ZCCHC17: variants seen among roughly 807,000 people sequenced by gnomAD.
The protein encoded by ZCCHC17 is zinc finger CCHC-type containing 17, also known as zinc finger CCHC domain-containing protein 17.
ZCCHC17 carries 18 observed loss-of-function variants against 30.6 expected under a neutral mutation model. The ratio of observed to expected loss-of-function variants is 0.59; its 90% CI spans 0.41 to 0.87. The LOEUF (loss-of-function observed/expected upper bound fraction) is 0.87. Among genes scored for constraint, ZCCHC17 ranks in the 40% least tolerant of loss-of-function variants. The probability of loss-of-function intolerance (pLI) is 0.00; values close to 1 mark genes in which losing one functional copy is unlikely to be tolerated. For missense variants in ZCCHC17, 263 were observed against 284.2 expected, an observed-to-expected ratio of 0.93 and a Z score of 0.54; for synonymous variants, 88 against 92.4, an observed-to-expected ratio of 0.95 and a Z score of 0.27.
At chr1:31,341,520 G>A (rs1231926140) in intron 5 of ZCCHC17, among the ~76,000 whole-genome samples, 15 of 152,142 alleles carry the variant, frequency 9.9e-5, no homozygotes. Flanking sequence ...CCTGGTTTTG[G>A]GCTGTCTCTG....
intron 3 of ZCCHC17, among the ~76,000 whole-genome samples, chr1:31,330,332 A>C (rs182408175): frequency 7.6e-4 from 116 of 152,234 alleles, no homozygotes; most frequent in African/African-American, 2.7e-3. Flanking sequence ...ACCAGCAGAC[A>C]CTCAGATGGG....
chr1:31,338,778 A>G (rs1372671918), intron 4 of ZCCHC17, among the ~76,000 whole-genome samples, 179 bp from the exon 5 acceptor site: 1 of 152,180 alleles, frequency 6.6e-6, no homozygotes, highest in East Asian at 1.9e-4. Flanking sequence ...CTGTTTCCTA[A>G]AATTCTTCTG....
chr1:31,347,402 C>T (rs1639314961), intron 6 of ZCCHC17, among the ~76,000 whole-genome samples: 1 of 152,108 alleles, frequency 6.6e-6, no homozygotes, highest in East Asian at 1.9e-4. Flanking sequence ...GATTTTTCTA[C>T]AATAACTGGT....
intron 7 of ZCCHC17, among the ~76,000 whole-genome samples, chr1:31,359,386 T>C (rs1453339522): frequency 6.6e-6 from 1 of 151,938 alleles, no homozygotes; most frequent in Non-Finnish European, 1.5e-5. Flanking sequence ...CTGGGTGTGG[T>C]GGCATGCGCC....
At chr1:31,334,270 T>C (rs1638710759) in intron 3 of ZCCHC17, among the ~76,000 whole-genome samples, 1 of 150,676 alleles carries the variant, frequency 6.6e-6, no homozygotes, top group Non-Finnish European at 1.5e-5. Context: ...GGCAGGTATT[T>C]TGAGTTTCAG....
intron 5 of ZCCHC17, 90 bp downstream of exon 5, chr1:31,339,138 A>G (rs1569868614): frequency 2.3e-5 from 20 of 858,698 alleles, no homozygotes; most frequent in South Asian, 3.3e-5. Context: ...TAACTCTACC[A>G]TTTATGGACT....
intron 1 of ZCCHC17, among the ~76,000 whole-genome samples, chr1:31,307,579 GTTT>G (rs754266433): frequency 7.4e-6 from 1 of 135,378 alleles, no homozygotes. Flanking sequence ...GATTTTTGTT[GTTT>G]TTTTTTTTTT....
Position 31,334,325 on chromosome 1 carries a change from CTCTCTCTCTCTCTGTGTGTGTGTG to C in ZCCHC17, c.125-2848_125-2825del, listed in dbSNP as rs1202503361. Among the ~76,000 whole-genome samples the C allele has an allele frequency of 3.2e-4, 19 of 60,184 alleles. No homozygotes were observed. In the Admixed American group the frequency reaches 3.5e-3, roughly 11 times the overall value. The allele number at this position is 60,184 out of a possible 152,430, so 39.5% of individuals were successfully genotyped here. ...TGCATCTCTCTCTCTCTCTCTCTCT[CTCTCTCTCTCTCTGTGTGTGTGTG>C]TGTGTGTGTGTGTGTGTGTGTGTGT... On this transcript the variant is annotated intron_variant, in intron 3 of 7. Coordinates refer to ENST00000344147, the MANE Select transcript of ZCCHC17 (RefSeq NM_016505.4).
chr1:31,329,996 T>C (rs1365821398), intron 3 of ZCCHC17, among the ~76,000 whole-genome samples: 2 of 152,224 alleles, frequency 1.3e-5, no homozygotes, highest in Admixed American at 1.3e-4. Flanking sequence ...TAAAACACTT[T>C]CACGAATGTG....
At chr1:31,326,809 T>C (rs75108462) in intron 3 of ZCCHC17, among the ~76,000 whole-genome samples, 48 of 152,304 alleles carry the variant, frequency 3.2e-4, no homozygotes, top group African/African-American at 1.1e-3. Flanking sequence ...CTGAGATCTA[T>C]AGGTTTATTG....
At chr1:31,321,695 G>C (rs986566898) in intron 3 of ZCCHC17, among the ~76,000 whole-genome samples, 1 of 152,152 alleles carries the variant, frequency 6.6e-6, no homozygotes, top group Admixed American at 6.5e-5. Context: ...TTGAACTCCT[G>C]TCCTCCAGTA....
In ZCCHC17 at chr1:31,310,009, A is replaced by G. The variant is rs1477194453; in HGVS notation, c.-55-35A>G. On this transcript the variant is annotated intron_variant, in intron 1 of 7. Transcript: ENST00000344147. ...GCATATTCATTTCTTTAATGCAGATATCTCTCTAATTGGTGTCTGATTTCT... is the reference window on the plus strand; with the variant it reads ...GCATATTCATTTCTTTAATGCAGATGTCTCTCTAATTGGTGTCTGATTTCT... The G allele has an allele frequency of 5.7e-6, 7 of 1,237,544 alleles. No homozygotes were observed. In the East Asian group the frequency reaches 1.6e-4, roughly 29 times the overall value. 76.7% of individuals were successfully genotyped at this position (1,237,544 alleles called of 1,614,324 possible).
intron 5 of ZCCHC17, among the ~76,000 whole-genome samples, chr1:31,342,058 T>G (rs1639067891): frequency 6.6e-6 from 1 of 152,164 alleles, no homozygotes; most frequent in African/African-American, 2.4e-5. Flanking sequence ...TTCATTTAGT[T>G]TTTTTGAGAT....
rs1405046383 is a variant in ZCCHC17, at chr1:31,309,511, C to T, written c.-55-533C>T. On this transcript the variant is annotated intron_variant, in intron 1 of 7. Coordinates refer to ENST00000344147, the MANE Select transcript of ZCCHC17 (RefSeq NM_016505.4). ...TGTATTTTTAGTAGAGATGGGATTTCGCTATGTTGGCCAGGCTGGTCTGGA... is the reference window on the plus strand; with the variant it reads ...TGTATTTTTAGTAGAGATGGGATTTTGCTATGTTGGCCAGGCTGGTCTGGA... Among the ~76,000 whole-genome samples the T allele has an allele frequency of 8.6e-5, 13 of 151,968 alleles. 1 individual carries two copies. Among genetic ancestry groups the T allele is most frequent in the Admixed American group, 6.6e-5 (1 of 15,258 alleles).
intron 7 of ZCCHC17, among the ~76,000 whole-genome samples, chr1:31,359,770 G>A (rs1356659049): frequency 6.6e-6 from 1 of 151,980 alleles, no homozygotes; most frequent in African/African-American, 2.4e-5. Flanking sequence ...CTTGACCTGC[G>A]CCATGGGCTC....
At chr1:31,347,411 G>A (rs759252619) in intron 6 of ZCCHC17, among the ~76,000 whole-genome samples, 21 of 152,232 alleles carry the variant, frequency 1.4e-4, no homozygotes, top group Admixed American at 6.5e-4. Context: ...ACAATAACTG[G>A]TAGCAGATTT....
rs1248629341 is a variant in ZCCHC17 at position 31,335,885 on chromosome 1, C to T, written c.125-1290C>T. Among the ~76,000 whole-genome samples, 6 of 151,884 alleles carry T rather than the reference C, an allele frequency of 4.0e-5. 1 individual carries two copies. Among genetic ancestry groups the T allele is most frequent in the South Asian group, 4.2e-4 (2 of 4,816 alleles). On this transcript the variant is annotated intron_variant, in intron 3 of 7. Coordinates refer to ENST00000344147, the MANE Select transcript of ZCCHC17 (RefSeq NM_016505.4). ...GTTTATATTTCCTTTTTTAACTTAA[C>T]GTCTATCATAAATATTTTTTGTAAT...
In ZCCHC17 at chr1:31,353,128, T is replaced by C. The variant is rs143334028; in HGVS notation, c.564+4154T>C. Reference sequence around the variant, plus strand: ...TGCATTTCCCTAATGATTAGTGATATTGAATATCTTTTCATGTGCTTATTG... The same window carrying C: ...TGCATTTCCCTAATGATTAGTGATACTGAATATCTTTTCATGTGCTTATTG... On this transcript the variant is annotated intron_variant, in intron 7 of 7. Transcript: ENST00000344147. Among the ~76,000 whole-genome samples, 26 of 152,340 alleles carry C rather than the reference T, an allele frequency of 1.7e-4. No homozygotes were observed. In the East Asian group the frequency reaches 2.5e-3, roughly 15 times the overall value.
rs1189663885 is a variant in ZCCHC17, at chr1:31,334,327, CTCTCTCTCTCTGTGTGTGTGTG to C, written c.125-2846_125-2825del. Among the ~76,000 whole-genome samples the C allele has an allele frequency of 8.2e-5, 5 of 60,804 alleles. No individual in the cohort carries two copies. The East Asian group carries it at 2.5e-3, about 31-fold the overall frequency. 39.9% of individuals were successfully genotyped at this position (60,804 alleles called of 152,430 possible). ...CATCTCTCTCTCTCTCTCTCTCTCT[CTCTCTCTCTCTGTGTGTGTGTG>C]TGTGTGTGTGTGTGTGTGTGTGTGT... On this transcript the variant is annotated intron_variant, in intron 3 of 7. Transcript: ENST00000344147.
Sources: gnomAD v4.1 joint callset for allele counts (sites outside exome capture counted in the v4.1 genomes callset) on GRCh38, gnomAD v4.1.1 for gene constraint, MANE v1.5 for transcripts, NCBI Gene and HGNC (gene_info 2026-07-23, HGNC 2026-07-21) for gene names.